Variants in DONSON observed in about 807,000 individuals in gnomAD.
DONSON encodes DNA replication fork stabilization factor DONSON, also known as protein downstream neighbor of Son.
A neutral mutation model predicts 62.1 loss-of-function variants in DONSON; 43 were observed. The ratio of observed to expected loss-of-function variants is 0.69; its 90% CI spans 0.54 to 0.89. DONSON has a LOEUF of 0.89. Ranked by LOEUF, DONSON falls within the 40% of genes least tolerant of loss-of-function variation. The pLI is 0.00. For missense variants in DONSON, 696 were observed against 697.5 expected (o/e 1.00, Z 0.03); for synonymous variants, 266 against 264.6 (o/e 1.01, Z -0.05).
intron 5 of DONSON, among the ~76,000 whole-genome samples, chr21:33,582,464 A>G (rs1338215427): frequency 6.6e-6 from 1 of 152,244 alleles, no homozygotes; most frequent in Non-Finnish European, 1.5e-5. Context: ...ACACTCTTTC[A>G]TAAATCATAT....
intron 8 of DONSON, among the ~76,000 whole-genome samples, chr21:33,580,880 A>AAAAC (rs906618044): frequency 6.6e-6 from 1 of 151,702 alleles, no homozygotes; most frequent in East Asian, 1.9e-4. Context: ...ACTCCCTCTT[A>AAAAC]AAACAAACAA....
In DONSON at chr21:33,579,558, C is replaced by T. The variant is rs766790421; in HGVS notation, c.1355G>A (p.Arg452Gln). 25 of 1,609,700 alleles carry T rather than the reference C, an allele frequency of 1.6e-5. No individual in the cohort carries two copies. The highest frequency in any genetic ancestry group is 2.2e-5 in the East Asian group (1 of 44,852). The change falls in exon 9 of 10, where the codon CGG becomes CAG. Residue 452 changes from arginine to glutamine, a missense_variant. By Grantham distance (43) the Arg-to-Gln change is conservative. Coordinates refer to ENST00000303071, the MANE Select transcript of DONSON (RefSeq NM_017613.4). ...RGATMQMLKA[R>Q]SVNVKTQALS... ...AGCTTGTGTCTTCACATTCACACTC[C>T]GTGCCTTCATGAAAATGTAAAGAAA... is the stretch of plus-strand genomic sequence containing the variant.
At chr21:33,583,199 TCAAAA>T (rs2086534794) in intron 5 of DONSON, among the ~76,000 whole-genome samples, 1 of 15,624 alleles carries the variant, frequency 6.4e-5, no homozygotes. Flanking sequence ...AGTCTCCATC[TCAAAA>T]AAAAAAAAAA....
chr21:33,577,656 CACACACACACACACACACACACACACACA>C lies in DONSON; in HGVS notation c.*622_*650del, dbSNP rs1569072967. 8.4e-5 allele frequency: 8 copies of C among 95,234 alleles called. No homozygotes were observed. Among genetic ancestry groups the C allele is most frequent in the African/African-American group, 3.5e-4 (8 of 22,930 alleles). 5.9% of individuals were successfully genotyped at this position (95,234 alleles called of 1,614,324 possible). A position where few individuals can be genotyped will look rare whatever the true frequency, so the allele number is the denominator to read the frequency against. The stretch of plus-strand genomic sequence containing the variant: ...ACACACACACACACACACACACACA[CACACACACACACACACACACACACACACA>C]CACACACACACACACACCCCTATAA... On this transcript the variant is annotated 3_prime_UTR_variant, in exon 10 of 10. Transcript: ENST00000303071.
chr21:33,582,147 G>T lies in DONSON; in HGVS notation c.1046+18C>A. 1 of 1,612,748 alleles carries T rather than the reference G, an allele frequency of 6.2e-7. No individual in the cohort carries two copies. Among genetic ancestry groups the T allele is most frequent in the Non-Finnish European group, 8.5e-7 (1 of 1,178,842 alleles). On this transcript the variant is annotated intron_variant, in intron 6 of 9. Transcript: ENST00000303071. ...TCCATAAGTCAGTGGATGATATAAAGTTATTTTAATCACATACTCCCCATA... is the reference window on the plus strand; with the variant it reads ...TCCATAAGTCAGTGGATGATATAAATTTATTTTAATCACATACTCCCCATA...
At chr21:33,584,056 T>C (rs2145905060) in intron 4 of DONSON, among the ~76,000 whole-genome samples, 1 of 142,992 alleles carries the variant, frequency 7.0e-6, no homozygotes, top group South Asian at 2.2e-4. Context: ...ACTTTTTTTT[T>C]TTTTTTGAGA....
intron 1 of DONSON, among the ~76,000 whole-genome samples, 153 bp from the exon 2 acceptor site, chr21:33,587,755 C>T (rs2086594851): frequency 6.6e-6 from 1 of 152,170 alleles, no homozygotes; most frequent in African/African-American, 2.4e-5. Flanking sequence ...TTCAACACTT[C>T]AGTTTTGTGT....
intron 2 of DONSON, chr21:33,587,229 C>T (rs1182046838): frequency 2.3e-6 from 1 of 428,626 alleles, no homozygotes; most frequent in Non-Finnish European, 3.1e-6. Context: ...AAGTCAACTG[C>T]CCAAAGAAGA....
At chr21:33,581,589 T>C in intron 7 of DONSON, 89 bp from the exon 8 acceptor site, 1 of 1,055,138 alleles carries the variant, frequency 9.5e-7, no homozygotes, top group Middle Eastern at 2.7e-4. Context: ...TGAGACTCCT[T>C]TTCTCCATAA....
Position 33,586,355 on chromosome 21 carries a change from C to T in DONSON, c.403-174G>A, listed in dbSNP as rs559494341. ...AAAGTCTGAAAGGAGTCACACTAAA[C>T]TTTTAACCATGGTTACCTATGGGAA... On this transcript the variant is annotated intron_variant, in intron 2 of 9. Coordinates refer to ENST00000303071, the MANE Select transcript of DONSON (RefSeq NM_017613.4). Among the ~76,000 whole-genome samples, 65 of 152,210 alleles carry T rather than the reference C, an allele frequency of 4.3e-4. 2 individuals carry two copies. The South Asian group carries it at 0.013, about 31-fold the overall frequency.
chr21:33,578,635 G>A (rs1334943843), intron 9 of DONSON, among the ~76,000 whole-genome samples, 191 bp from the exon 10 acceptor site: 1 of 152,176 alleles, frequency 6.6e-6, no homozygotes, highest in Non-Finnish European at 1.5e-5. Flanking sequence ...CTAGCCAACT[G>A]AGATGCATGA....
In DONSON at chr21:33,588,644, C is replaced by G; in HGVS notation, c.-3G>C. On this transcript the variant is annotated 5_prime_UTR_variant, in exon 1 of 10. Coordinates refer to ENST00000303071, the MANE Select transcript of DONSON (RefSeq NM_017613.4). ...TAGCCGGGCACCGAAAGGGCCATGA[C>G]GCGCGGCGGCTGAGGGTAGCCGGCC... is the stretch of plus-strand genomic sequence containing the variant. 3 of 1,233,470 alleles carry G rather than the reference C, an allele frequency of 2.4e-6. No homozygotes were observed. The highest frequency in any genetic ancestry group is 3.0e-6 in the Non-Finnish European group (3 of 987,968). The allele number at this position is 1,233,470 out of a possible 1,614,324, so 76.4% of individuals were successfully genotyped here. A position where few individuals can be genotyped will look rare whatever the true frequency, so the allele number is the denominator to read the frequency against.
At chr21:33,587,292 T>C in intron 2 of DONSON, 1 of 923,858 alleles carries the variant, frequency 1.1e-6, no homozygotes, top group Non-Finnish European at 1.3e-6. Context: ...ATCAGGCCTA[T>C]TTTAGCGCTG....
At chr21:33,586,277 A>T in intron 2 of DONSON, 96 bp from the exon 3 acceptor site, 2 of 995,706 alleles carry the variant, frequency 2.0e-6, no homozygotes, top group Admixed American at 4.3e-5. Context: ...GAAAAGTAAA[A>T]ATCATATAAG....
At chr21:33,584,848 A>C in intron 3 of DONSON, 80 bp from the exon 4 acceptor site, 2 of 1,170,586 alleles carry the variant, frequency 1.7e-6, no homozygotes, top group Non-Finnish European at 2.3e-6. Context: ...TTTACCAAAC[A>C]CTTAGGTCTA....
Position 33,577,682 on chromosome 21 carries a change from CACACACA to C in DONSON, c.*618_*624del, listed in dbSNP as rs2086446908. The C allele has an allele frequency of 5.5e-5, 6 of 109,422 alleles. No individual in the cohort carries two copies. The highest frequency in any genetic ancestry group is 2.6e-4 in the African/African-American group (6 of 22,862). The allele number at this position is 109,422 out of a possible 1,614,324, so 6.8% of individuals were successfully genotyped here. On this transcript the variant is annotated 3_prime_UTR_variant, in exon 10 of 10. Transcript: ENST00000303071. The stretch of plus-strand genomic sequence containing the variant: ...ACACACACACACACACACACACACA[CACACACA>C]CACACACACACACCCCTATAAGCAC...
At position 33,577,604 on chromosome 21, in the gene DONSON, T is replaced by TACAC. The variant is rs71194853; in HGVS notation, c.*699_*702dup. On this transcript the variant is annotated 3_prime_UTR_variant, in exon 10 of 10. Transcript: ENST00000303071. ...AAATGTGAATTATACAGTCCCCCCC[T>TACAC]ACACACACACACACACACACACACA... The TACAC allele has an allele frequency of 3.6e-5, 3 of 84,446 alleles. No individual in the cohort carries two copies. The highest frequency in any genetic ancestry group is 7.0e-5 in the Non-Finnish European group (3 of 42,952). 5.2% of individuals were successfully genotyped at this position (84,446 alleles called of 1,614,324 possible).
Position 33,579,446 on chromosome 21 carries a change from T to C in DONSON, c.1467A>G (p.Lys489=). The change falls in exon 9 of 10, where the codon AAA becomes AAG. Residue 489 remains lysine (K), a synonymous_variant. Coordinates refer to ENST00000303071, the MANE Select transcript of DONSON (RefSeq NM_017613.4). The part of the protein sequence containing the change: ...HSLHSLTMLL[K]SSQSGSFSAV... ...CAGAGAAAGATCCACTCTGTGAAGA[T>C]TTGAGCAGCATGGTCAGTGAATGCA... 1 of 1,614,208 alleles carries C rather than the reference T, an allele frequency of 6.2e-7. No homozygotes were observed. Among genetic ancestry groups the C allele is most frequent in the Non-Finnish European group, 8.5e-7 (1 of 1,180,036 alleles).
At chr21:33,586,691 T>C (rs538163456) in intron 2 of DONSON, among the ~76,000 whole-genome samples, 23 of 152,040 alleles carry the variant, frequency 1.5e-4, no homozygotes, top group Admixed American at 1.4e-3. Context: ...CTGAGTGAAG[T>C]GGTGTGATCT....
Sources: gnomAD v4.1 joint callset for allele counts (sites outside exome capture counted in the v4.1 genomes callset) on GRCh38, gnomAD v4.1.1 for gene constraint, MANE v1.5 for transcripts, NCBI Gene and HGNC (gene_info 2026-07-23, HGNC 2026-07-21) for gene names.